Variants in MACROD2 observed in about 807,000 individuals in gnomAD.
MACROD2 encodes the protein mono-ADP ribosylhydrolase 2.
MACROD2 carries 36 observed loss-of-function variants against 70.4 expected under a neutral mutation model. That is an observed-to-expected ratio of 0.51 (90% CI 0.39 to 0.68). MACROD2 has a LOEUF of 0.68. MACROD2 is among the 30% of genes least tolerant of loss of function. The pLI is 0.00. For missense variants in MACROD2, 496 were observed against 538.4 expected (o/e 0.92, Z 0.78); for synonymous variants, 172 against 178.8 (o/e 0.96, Z 0.30).
intron 5 of MACROD2, among the ~76,000 whole-genome samples, chr20:14,870,597 CA>C (rs2073476498): frequency 6.6e-6 from 1 of 151,982 alleles, no homozygotes; most frequent in South Asian, 2.1e-4. Flanking sequence ...TCAACCTCAC[CA>C]GGACCTATTA....
At chr20:15,994,358 GAC>G (rs1489528176) in intron 15 of MACROD2, among the ~76,000 whole-genome samples, 7 of 152,026 alleles carry the variant, frequency 4.6e-5, no homozygotes, top group African/African-American at 1.4e-4. Context: ...ATTAAAGTAA[GAC>G]ACAATAATTT....
intron 8 of MACROD2, among the ~76,000 whole-genome samples, chr20:15,765,419 C>T (rs2051506178): frequency 6.6e-6 from 1 of 152,092 alleles, no homozygotes; most frequent in African/African-American, 2.4e-5. Flanking sequence ...ACTGATGATT[C>T]CCCTATTTAC....
intron 3 of MACROD2, among the ~76,000 whole-genome samples, chr20:14,168,015 C>T (rs2081186678): frequency 6.6e-6 from 1 of 152,148 alleles, no homozygotes; most frequent in Non-Finnish European, 1.5e-5. Flanking sequence ...GTTTTAGTGA[C>T]TGTACTCATA....
chr20:14,889,779 C>T (rs565873646), intron 5 of MACROD2, among the ~76,000 whole-genome samples: 83 of 152,140 alleles, frequency 5.5e-4, no homozygotes, highest in African/African-American at 1.8e-3. Context: ...GGGTTTAATT[C>T]GAAGTGAATT....
chr20:15,933,858 G>A (rs1369640587), intron 11 of MACROD2, among the ~76,000 whole-genome samples: 3 of 152,184 alleles, frequency 2.0e-5, no homozygotes, highest in Non-Finnish European at 2.9e-5. Context: ...CTCGAAGTAA[G>A]ATCTAAACCC....
intron 4 of MACROD2, among the ~76,000 whole-genome samples, chr20:14,496,106 C>G (rs1039214376): frequency 3.3e-5 from 5 of 152,118 alleles, no homozygotes; most frequent in African/African-American, 9.7e-5. Flanking sequence ...TTTTAATCCT[C>G]TCAGTGATAT....
At chr20:15,621,483 A>T (rs1056053848) in intron 8 of MACROD2, among the ~76,000 whole-genome samples, 3 of 152,260 alleles carry the variant, frequency 2.0e-5, no homozygotes, top group Admixed American at 2.0e-4. Flanking sequence ...TAAAAATATA[A>T]AAACTTCCTC....
intron 5 of MACROD2, among the ~76,000 whole-genome samples, chr20:14,865,847 T>C (rs908951587): frequency 6.6e-6 from 1 of 152,136 alleles, no homozygotes; most frequent in African/African-American, 2.4e-5. Flanking sequence ...TTGATTTATA[T>C]GGCACTGCTT....
chr20:14,830,580 G>A (rs904537886), intron 5 of MACROD2, among the ~76,000 whole-genome samples: 3 of 152,074 alleles, frequency 2.0e-5, no homozygotes, highest in African/African-American at 7.2e-5. Context: ...AAATCAATAA[G>A]TAATCTAGAT....
intron 15 of MACROD2, among the ~76,000 whole-genome samples, chr20:16,010,799 T>G (rs933750758): frequency 2.6e-5 from 4 of 152,148 alleles, no homozygotes; most frequent in Admixed American, 6.5e-5. Flanking sequence ...CCTGTGAATC[T>G]CGATTATTTA....
At chr20:14,627,366 G>A (rs1447815427) in intron 4 of MACROD2, among the ~76,000 whole-genome samples, 1 of 152,144 alleles carries the variant, frequency 6.6e-6, no homozygotes, top group African/African-American at 2.4e-5. Context: ...GGGCGATGTA[G>A]GAGCACAGAA....
At chr20:14,794,877 A>G (rs887216004) in intron 5 of MACROD2, among the ~76,000 whole-genome samples, 2 of 152,166 alleles carry the variant, frequency 1.3e-5, no homozygotes, top group African/African-American at 4.8e-5. Context: ...GCACAAAGGG[A>G]AAAAAACTGA....
chr20:14,254,401 A>G (rs982033570), intron 3 of MACROD2, among the ~76,000 whole-genome samples: 4 of 152,188 alleles, frequency 2.6e-5, no homozygotes, highest in Admixed American at 1.3e-4. Flanking sequence ...GAAAAAAAAG[A>G]TAAAGATTGT....
intron 6 of MACROD2, among the ~76,000 whole-genome samples, chr20:15,338,686 G>T (rs568784937): frequency 1.3e-5 from 2 of 151,620 alleles, no homozygotes; most frequent in Admixed American, 6.6e-5. Flanking sequence ...ACAGGCCTAG[G>T]GGGGTAAGTT....
chr20:14,158,541 C>T (rs1042099871), intron 3 of MACROD2, among the ~76,000 whole-genome samples: 1 of 151,976 alleles, frequency 6.6e-6, no homozygotes, highest in Admixed American at 6.6e-5. Context: ...ATGTTTTCTT[C>T]TAGTAATTTT....
chr20:14,971,814 G>A (rs142222561), intron 5 of MACROD2, among the ~76,000 whole-genome samples: 29 of 152,174 alleles, frequency 1.9e-4, no homozygotes, highest in African/African-American at 5.1e-4. Flanking sequence ...CTTGGCCGGC[G>A]GCATGTTGCT....
chr20:14,225,134 G>A (rs1017360601), intron 3 of MACROD2, among the ~76,000 whole-genome samples: 1 of 152,048 alleles, frequency 6.6e-6, no homozygotes, highest in East Asian at 1.9e-4. Flanking sequence ...TTTCTATAAT[G>A]GCAGAATAAT....
chr20:15,359,766 G>A (rs1385217508), intron 6 of MACROD2, among the ~76,000 whole-genome samples: 1 of 151,988 alleles, frequency 6.6e-6, no homozygotes, highest in African/African-American at 2.4e-5. Context: ...AAATTCACAG[G>A]AAGTTGCAAA....
At position 14,957,801 on chromosome 20, in the gene MACROD2, C is replaced by G. The variant is rs141711538; in HGVS notation, c.419-272139C>G. On this transcript the variant is annotated intron_variant, in intron 5 of 17. Coordinates refer to ENST00000684519, the MANE Select transcript of MACROD2 (RefSeq NM_001351661.2). ...TTTGTTTTTGGAGCATTGGATTTGT[C>G]ATCTACTTAATATCTCCATCCTTGT... 1.2e-3 allele frequency among the ~76,000 whole-genome samples: 179 copies of G among 152,234 alleles called. 3 individuals carry two copies. The highest frequency in any genetic ancestry group is 3.9e-3 in the African/African-American group (161 of 41,536).
Sources: allele counts gnomAD v4.1 joint callset (sites outside exome capture counted in the v4.1 genomes callset), GRCh38; gene constraint gnomAD v4.1.1; transcripts MANE v1.5; gene names NCBI Gene and HGNC (gene_info 2026-07-23, HGNC 2026-07-21).